Variants in GKAP1 observed in about 807,000 individuals in gnomAD.
GKAP1 encodes the protein G kinase-anchoring protein 1.
GKAP1 carries 31 observed loss-of-function variants against 56.7 expected under a neutral mutation model. That is an observed-to-expected ratio of 0.55 (90% CI 0.41 to 0.74). The LOEUF (loss-of-function observed/expected upper bound fraction) is 0.74. Ranked by LOEUF, GKAP1 falls within the 30% of genes least tolerant of loss-of-function variation. The pLI is 0.00. For missense variants in GKAP1, 364 were observed against 402.3 expected (o/e 0.90, Z 0.82); for synonymous variants, 151 against 138.6 (o/e 1.09, Z -0.63).
At chr9:83,803,717 G>A (rs1277616646) in intron 3 of GKAP1, among the ~76,000 whole-genome samples, 18 of 137,302 alleles carry the variant, frequency 1.3e-4, no homozygotes, top group Admixed American at 2.9e-4. Context: ...GCAGCCCATC[G>A]TCTGGGACGT....
rs371106163 is a variant in GKAP1 at position 83,798,609 on chromosome 9, T to C, written c.360+576A>G. On this transcript the variant is annotated intron_variant, in intron 4 of 12. Coordinates refer to ENST00000376371, the MANE Select transcript of GKAP1 (RefSeq NM_025211.4). Reference sequence around the variant, plus strand: ...ATGGCTCACTGCAGCCTCGACCTCCTGAGCTCTGATCTTCCCACCTCAGCC... The same window carrying C: ...ATGGCTCACTGCAGCCTCGACCTCCCGAGCTCTGATCTTCCCACCTCAGCC... Among the ~76,000 whole-genome samples the C allele has an allele frequency of 2.2e-4, 34 of 152,302 alleles. 1 individual carries two copies. Among genetic ancestry groups the C allele is most frequent in the African/African-American group, 7.9e-4 (33 of 41,576 alleles).
At chr9:83,802,761 A>G (rs1203612980) in intron 3 of GKAP1, among the ~76,000 whole-genome samples, 3 of 151,906 alleles carry the variant, frequency 2.0e-5, no homozygotes, top group Non-Finnish European at 4.4e-5. Context: ...CAGGAGTTTG[A>G]GGCTACAGTG....
chr9:83,764,476 CT>C (rs1415162070), intron 8 of GKAP1, among the ~76,000 whole-genome samples: 1 of 152,128 alleles, frequency 6.6e-6, no homozygotes, highest in Non-Finnish European at 1.5e-5. Context: ...TCGGGTATTT[CT>C]TCATAGCAGT....
chr9:83,781,717 T>A (rs974081766), intron 6 of GKAP1, among the ~76,000 whole-genome samples: 3 of 152,208 alleles, frequency 2.0e-5, no homozygotes, highest in African/African-American at 7.2e-5. Context: ...CTGTGTAGGT[T>A]CTCTTTAATA....
At chr9:83,790,760 T>A (rs1944144076) in intron 4 of GKAP1, among the ~76,000 whole-genome samples, 1 of 151,780 alleles carries the variant, frequency 6.6e-6, no homozygotes, top group Non-Finnish European at 1.5e-5. Flanking sequence ...TGCAGTGAGC[T>A]GAGATTGCAC....
chr9:83,806,480 G>A lies in GKAP1; in HGVS notation c.38C>T (p.Ala13Val), dbSNP rs777934690. The stretch of plus-strand genomic sequence containing the variant: ...CACTTGTAACAGGGCAAAACGAGAA[G>A]CGGTGGTGGGAACAGAACTAAGTAC... ...SAVLSSVPTT[A>V]SRFALLQVDS... Residue 13 changes from alanine to valine, a missense_variant, in exon 3 of 13, where the codon GCT (alanine) becomes GTT (valine). Physicochemically the swap from Ala to Val is moderately conservative, Grantham distance 64 (BLOSUM62 0). Coordinates refer to ENST00000376371, the MANE Select transcript of GKAP1 (RefSeq NM_025211.4). 3.1e-6 allele frequency: 5 copies of A among 1,614,094 alleles called. No individual in the cohort carries two copies. Among genetic ancestry groups the A allele is most frequent in the Non-Finnish European group, 4.2e-6 (5 of 1,179,982 alleles).
At chr9:83,748,560 A>G (rs1365332452) in intron 9 of GKAP1, 188 bp from the exon 10 acceptor site, 5 of 398,554 alleles carry the variant, frequency 1.3e-5, no homozygotes, top group African/African-American at 1.0e-4. Flanking sequence ...GCACAATAAT[A>G]CATATCAATA....
At chr9:83,786,759 G>A (rs112404763) in intron 5 of GKAP1, among the ~76,000 whole-genome samples, 3,375 of 152,046 alleles carry the variant, frequency 0.022, 48 homozygotes, top group Non-Finnish European at 0.035. Flanking sequence ...CATTATTGTC[G>A]GCTAAAATCA....
intron 4 of GKAP1, chr9:83,789,175 C>A (rs1037163191): frequency 6.6e-6 from 1 of 152,230 alleles, no homozygotes; most frequent in Non-Finnish European, 1.5e-5. Context: ...AATAATTGTT[C>A]ATAGTGCATC....
intron 7 of GKAP1, among the ~76,000 whole-genome samples, chr9:83,777,417 A>C (rs1943882484): frequency 6.6e-6 from 1 of 152,204 alleles, no homozygotes; most frequent in Non-Finnish European, 1.5e-5. Flanking sequence ...ACAGAAGAAA[A>C]AAGACTAAGA....
intron 3 of GKAP1, among the ~76,000 whole-genome samples, chr9:83,805,988 G>A (rs533355118): frequency 6.6e-6 from 1 of 152,186 alleles, no homozygotes; most frequent in African/African-American, 2.4e-5. Context: ...ATGGCAGTGT[G>A]TGCCTGTGGT....
intron 4 of GKAP1, among the ~76,000 whole-genome samples, chr9:83,795,680 A>G (rs910135384): frequency 1.7e-4 from 25 of 147,316 alleles, no homozygotes; most frequent in South Asian, 1.1e-3. Flanking sequence ...CAGCCTGAGT[A>G]GCTGGGACTA....
intron 7 of GKAP1, among the ~76,000 whole-genome samples, chr9:83,770,852 G>A (rs1322072020): frequency 3.9e-5 from 6 of 151,946 alleles, no homozygotes; most frequent in African/African-American, 7.3e-5. Context: ...GAGACACTGC[G>A]TCCGGCGTTA....
At chr9:83,774,340 G>A (rs1041621368) in intron 7 of GKAP1, among the ~76,000 whole-genome samples, 3 of 151,588 alleles carry the variant, frequency 2.0e-5, no homozygotes. Context: ...GGTGGCTCAC[G>A]CCTGTAGTCC....
intron 3 of GKAP1, among the ~76,000 whole-genome samples, chr9:83,800,275 T>G (rs1199773187): frequency 6.6e-6 from 1 of 151,720 alleles, no homozygotes; most frequent in Non-Finnish European, 1.5e-5. Context: ...GTTAGCCCTG[T>G]TCTGCAAGGA....
chr9:83,766,709 G>C (rs1456288319), intron 8 of GKAP1, among the ~76,000 whole-genome samples: 1 of 152,208 alleles, frequency 6.6e-6, no homozygotes, highest in Non-Finnish European at 1.5e-5. Flanking sequence ...TTCGAATTTG[G>C]AATGGCTATT....
At chr9:83,751,563 A>G (rs1403831959) in intron 9 of GKAP1, among the ~76,000 whole-genome samples, 1 of 152,216 alleles carries the variant, frequency 6.6e-6, no homozygotes, top group African/African-American at 2.4e-5. Context: ...GATGATTCTT[A>G]AAGGCATGAG....
intron 2 of GKAP1, among the ~76,000 whole-genome samples, 168 bp downstream of exon 2, chr9:83,816,828 T>G (rs1402628443): frequency 6.6e-6 from 1 of 152,180 alleles, no homozygotes; most frequent in African/African-American, 2.4e-5. Flanking sequence ...GCCAATTTGA[T>G]AAACTATTTT....
At chr9:83,784,220 C>A (rs1944025682) in intron 6 of GKAP1, among the ~76,000 whole-genome samples, 1 of 151,476 alleles carries the variant, frequency 6.6e-6, no homozygotes, top group African/African-American at 2.4e-5. Context: ...TGAGCCATGA[C>A]TGCACCACTG....
Sources: allele counts gnomAD v4.1 joint callset (sites outside exome capture counted in the v4.1 genomes callset), GRCh38; gene constraint gnomAD v4.1.1; transcripts MANE v1.5; gene names NCBI Gene and HGNC (gene_info 2026-07-23, HGNC 2026-07-21).